MROH9: variants seen among roughly 807,000 people sequenced by gnomAD.
MROH9 encodes maestro heat like repeat family member 9, also known as maestro heat-like repeat-containing protein family member 9.
In MROH9, 92 loss-of-function variants were observed where a neutral mutation model predicts 98.2. The observed-to-expected ratio is 0.94, with a 90% CI of 0.79 to 1.11. MROH9 has a LOEUF of 1.11. Ranked by LOEUF, MROH9 falls within the 50% of genes most tolerant of loss-of-function variation. MROH9 has a pLI of 0.00. For missense variants in MROH9, 1,057 were observed against 1,014.8 expected (o/e 1.04, Z -0.57); for synonymous variants, 397 against 368.9 (o/e 1.08, Z -0.87).
intron 17 of MROH9, among the ~76,000 whole-genome samples, chr1:171,016,925 A>G (rs1481435792): frequency 6.6e-6 from 1 of 152,190 alleles, no homozygotes; most frequent in Non-Finnish European, 1.5e-5. Flanking sequence ...TGGGGAATCT[A>G]TGTATTTTTA....
At chr1:171,005,866 T>C (rs1571496779) in intron 15 of MROH9, among the ~76,000 whole-genome samples, 1 of 152,106 alleles carries the variant, frequency 6.6e-6, no homozygotes, top group East Asian at 1.9e-4. Context: ...TGTCACCCTT[T>C]ACATATTTTT....
At chr1:171,013,493 A>G (rs775836913) in intron 15 of MROH9, among the ~76,000 whole-genome samples, 14 of 152,150 alleles carry the variant, frequency 9.2e-5, no homozygotes, top group Non-Finnish European at 1.9e-4. Context: ...TTCTTGGAAA[A>G]AAAATGTCTT....
At chr1:170,943,387 A>G (rs545996817) in intron 1 of MROH9, among the ~76,000 whole-genome samples, 1 of 152,186 alleles carries the variant, frequency 6.6e-6, no homozygotes, top group East Asian at 1.9e-4. Flanking sequence ...TAAGCTAGAA[A>G]GACTTTAGAA....
intron 1 of MROH9, among the ~76,000 whole-genome samples, chr1:170,945,271 A>C (rs1436455106): frequency 6.6e-6 from 1 of 152,102 alleles, no homozygotes. Context: ...CTCCAAGTTG[A>C]CATCTTGAGT....
At chr1:170,962,813 A>G (rs1282521916) in intron 6 of MROH9, among the ~76,000 whole-genome samples, 1 of 152,148 alleles carries the variant, frequency 6.6e-6, no homozygotes, top group Non-Finnish European at 1.5e-5. Context: ...CTTACACCAT[A>G]TACAAAAATT....
chr1:170,993,967 G>A (rs1004016318), intron 12 of MROH9, among the ~76,000 whole-genome samples: 1 of 152,004 alleles, frequency 6.6e-6, no homozygotes, highest in African/African-American at 2.4e-5. Context: ...TTCCTAGACT[G>A]CAGATAAAAA....
rs1431114249 is a variant in MROH9, at chr1:170,965,233, C to T, written c.458C>T (p.Thr153Ile). 1.1e-5 allele frequency: 17 copies of T among 1,610,388 alleles called. No homozygotes were observed. The highest frequency in any genetic ancestry group is 2.2e-5 in the East Asian group (1 of 44,806). ...MVIINKVLRF[T>I]VTKVRKYISV... is the part of the protein sequence containing the mutation. ...ATCATCAACAAGGTGTTAAGATTTACAGTCACAAAAGTCAGAAAATACGTA... is the reference window on the plus strand; with the variant it reads ...ATCATCAACAAGGTGTTAAGATTTATAGTCACAAAAGTCAGAAAATACGTA... Residue 153 changes from threonine to isoleucine, a missense_variant, in exon 7 of 22, where the codon ACA becomes ATA. Thr to Ile is a moderately conservative substitution (Grantham distance 89). Transcript: ENST00000367759.
intron 13 of MROH9, 141 bp downstream of exon 13, chr1:170,995,672 T>G: frequency 3.0e-6 from 3 of 987,166 alleles, no homozygotes; most frequent in Non-Finnish European, 4.4e-6. Flanking sequence ...CTCCTCTGAA[T>G]GGTAGAATGC....
At position 170,959,625 on chromosome 1, in the gene MROH9, T is replaced by C. The variant is rs780466606; in HGVS notation, c.288+28T>C. ...AAAATTTTTCTTCCTTTAATCATTA[T>C]AGGATGTTATTACACATCACAGCAA... On this transcript the variant is annotated intron_variant, in intron 5 of 21. Coordinates refer to ENST00000367759, the MANE Select transcript of MROH9 (RefSeq NM_001163629.2). 3.8e-6 allele frequency: 6 copies of C among 1,599,896 alleles called. No individual in the cohort carries two copies. In the African/African-American group the frequency reaches 5.4e-5, roughly 14 times the overall value.
chr1:170,996,453 A>G, intron 13 of MROH9, 54 bp from the exon 14 acceptor site: 1 of 1,595,218 alleles, frequency 6.3e-7, no homozygotes, highest in South Asian at 1.1e-5. Context: ...ATGTGTATTT[A>G]GTTTTTTGAA....
intron 10 of MROH9, among the ~76,000 whole-genome samples, chr1:170,987,905 G>A (rs761653826): frequency 2.0e-5 from 3 of 152,236 alleles, no homozygotes; most frequent in Non-Finnish European, 2.9e-5. Context: ...GACTAAGTGG[G>A]AATTTTTAAA....
intron 17 of MROH9, among the ~76,000 whole-genome samples, chr1:171,017,275 C>T (rs55847906): frequency 0.09 from 13,725 of 152,232 alleles, 720 homozygotes; most frequent in Middle Eastern, 0.17. Context: ...ACTGACTAGG[C>T]AGCGGGCATG....
chr1:171,042,523 T>C (rs114978515), intron 20 of MROH9, among the ~76,000 whole-genome samples: 9,915 of 152,122 alleles, frequency 0.065, 1,086 homozygotes, highest in African/African-American at 0.23. Context: ...ATTGCTGGAT[T>C]ATATGGTAGT....
At chr1:171,054,682 AG>A (rs1180079706) in intron 20 of MROH9, among the ~76,000 whole-genome samples, 1 of 152,228 alleles carries the variant, frequency 6.6e-6, no homozygotes, top group Non-Finnish European at 1.5e-5. Flanking sequence ...CCTATCAAAA[AG>A]TGGGCTAAGG....
intron 5 of MROH9, among the ~76,000 whole-genome samples, chr1:170,960,393 A>C (rs6674503): frequency 0.08 from 12,151 of 152,236 alleles, 619 homozygotes; most frequent in Non-Finnish European, 0.11. Context: ...AGTTAAATAA[A>C]AGTCTTCTTC....
chr1:170,962,514 T>G (rs939607531), intron 6 of MROH9, among the ~76,000 whole-genome samples: 4 of 152,166 alleles, frequency 2.6e-5, no homozygotes, highest in Admixed American at 2.0e-4. Context: ...GCATGTCTTG[T>G]GGTCTTCAAC....
intron 17 of MROH9, among the ~76,000 whole-genome samples, chr1:171,023,269 G>T (rs530617664): frequency 1.3e-5 from 2 of 152,214 alleles, no homozygotes; most frequent in South Asian, 4.2e-4. Flanking sequence ...CTTCTGACTT[G>T]CAATTTTTCC....
intron 6 of MROH9, among the ~76,000 whole-genome samples, chr1:170,962,891 G>A (rs1571454245): frequency 1.3e-5 from 2 of 152,006 alleles, no homozygotes; most frequent in East Asian, 3.9e-4. Context: ...GACAACTTAT[G>A]CAATACCATT....
chr1:171,034,015 CA>C (rs1293924144), intron 20 of MROH9, among the ~76,000 whole-genome samples: 1 of 151,990 alleles, frequency 6.6e-6, no homozygotes, highest in African/African-American at 2.4e-5. Context: ...AATTCTTCAA[CA>C]ATTCTTTATG....
Sources: gnomAD v4.1 joint callset for allele counts (sites outside exome capture counted in the v4.1 genomes callset) on GRCh38, gnomAD v4.1.1 for gene constraint, MANE v1.5 for transcripts, NCBI Gene and HGNC (gene_info 2026-07-23, HGNC 2026-07-21) for gene names.